Variants in AMPH observed in about 807,000 individuals in gnomAD.
AMPH encodes the protein amphiphysin (Stiff-Mann syndrome with breast cancer 128kD autoantigen).
AMPH carries 49 observed loss-of-function variants against 99.1 expected under a neutral mutation model. The observed-to-expected ratio is 0.49, with a 90% CI of 0.39 to 0.63. The LOEUF (loss-of-function observed/expected upper bound fraction) is 0.63, where lower values mean the gene tolerates loss of function less well. AMPH is among the 20% of genes least tolerant of loss of function. AMPH has a pLI of 0.00. For synonymous variants in AMPH, 314 were observed against 317.3 expected, an observed-to-expected ratio of 0.99 and a Z score of 0.11; for missense variants, 759 against 863.4, an observed-to-expected ratio of 0.88 and a Z score of 1.52.
rs148537468 is a variant in AMPH, at chr7:38,435,564, C to G, written c.1134+708G>C. Reference sequence around the variant, plus strand: ...TTGAGTTAACTTCCTTCTATTAGCACAGACAGTTGTAAACTAACTATATTT... The same window carrying G: ...TTGAGTTAACTTCCTTCTATTAGCAGAGACAGTTGTAAACTAACTATATTT... On this transcript the variant is annotated intron_variant, in intron 12 of 20. Transcript: ENST00000356264. Among the ~76,000 whole-genome samples the G allele has an allele frequency of 1.9e-3, 284 of 152,310 alleles. 1 individual carries two copies. Among genetic ancestry groups the G allele is most frequent in the African/African-American group, 6.7e-3 (278 of 41,572 alleles).
At chr7:38,397,775 C>G (rs1235573545) in intron 17 of AMPH, among the ~76,000 whole-genome samples, 1 of 152,042 alleles carries the variant, frequency 6.6e-6, no homozygotes, top group Non-Finnish European at 1.5e-5. Context: ...GGATTAATAA[C>G]CAGAATACAT....
chr7:38,391,692 A>G (rs1379580174), intron 19 of AMPH, 56 bp downstream of exon 19: 5 of 1,560,966 alleles, frequency 3.2e-6, no homozygotes, highest in Non-Finnish European at 3.5e-6. Context: ...CAAAGGCTTG[A>G]GCAAAAGGGC....
intron 3 of AMPH, among the ~76,000 whole-genome samples, chr7:38,497,189 A>G (rs1461354429): frequency 4.6e-5 from 7 of 152,132 alleles, no homozygotes; most frequent in Admixed American, 4.6e-4. Context: ...GCTTTTAGGG[A>G]TTTAGGGATT....
At chr7:38,450,975 C>T (rs905017658) in intron 11 of AMPH, among the ~76,000 whole-genome samples, 2 of 151,378 alleles carry the variant, frequency 1.3e-5, no homozygotes, top group African/African-American at 2.4e-5. Context: ...ACTGTAACCT[C>T]GACCTCCTGG....
At chr7:38,418,479 A>C (rs1231698383) in intron 16 of AMPH, among the ~76,000 whole-genome samples, 1 of 152,210 alleles carries the variant, frequency 6.6e-6, no homozygotes, top group Non-Finnish European at 1.5e-5. Context: ...CACCAAAAAA[A>C]TCAAAGAGTC....
chr7:38,620,336 A>ATGTGTGTGTG (rs3056281), intron 1 of AMPH, among the ~76,000 whole-genome samples: 122 of 145,728 alleles, frequency 8.4e-4, no homozygotes, highest in Middle Eastern at 3.5e-3. Context: ...AGATATATAT[A>ATGTGTGTGTG]TGTGTGTGTG....
chr7:38,410,449 G>A (rs866542531), intron 17 of AMPH, among the ~76,000 whole-genome samples: 1 of 152,202 alleles, frequency 6.6e-6, no homozygotes, highest in South Asian at 2.1e-4. Flanking sequence ...GCCAACCTCT[G>A]AGTTCACAGC....
intron 2 of AMPH, among the ~76,000 whole-genome samples, chr7:38,529,392 C>G (rs1790310125): frequency 6.6e-6 from 1 of 152,252 alleles, no homozygotes; most frequent in South Asian, 2.1e-4. Context: ...ATCAGCATCA[C>G]TGGCATCACT....
chr7:38,458,403 C>A (rs970453951), intron 11 of AMPH, among the ~76,000 whole-genome samples: 7 of 151,974 alleles, frequency 4.6e-5, no homozygotes, highest in African/African-American at 1.4e-4. Context: ...AAAACACCAA[C>A]AACAAAAAGA....
chr7:38,521,349 T>C (rs1007643354), intron 2 of AMPH, among the ~76,000 whole-genome samples: 8 of 152,190 alleles, frequency 5.3e-5, no homozygotes, highest in African/African-American at 7.2e-5. Context: ...TGGCAAAACC[T>C]GTCTCTACCA....
In AMPH at chr7:38,384,854, G is replaced by C; in HGVS notation, c.2052C>G (p.Gly684=). 1.9e-6 allele frequency: 3 copies of C among 1,614,020 alleles called. No homozygotes were observed. Among genetic ancestry groups the C allele is most frequent in the Non-Finnish European group, 2.5e-6 (3 of 1,179,922 alleles). The change falls in exon 21 of 21, where the codon GGC becomes GGG. Residue 684 remains glycine, a synonymous_variant. Transcript: ENST00000356264. ...LQYRDLATYK[G]LFPENFTRRL... ...GTCGGGTGAAGTTCTCTGGAAAGAG[G>C]CCTTTGTAGGTGGCAAGGTCTCTGT...
At chr7:38,424,656 TA>T (rs755240762) in intron 15 of AMPH, among the ~76,000 whole-genome samples, 66 of 151,920 alleles carry the variant, frequency 4.3e-4, no homozygotes, top group Non-Finnish European at 6.9e-4. Context: ...AAAAAAAAGA[TA>T]AAGCCATGAA....
At chr7:38,471,943 A>G (rs941209334) in intron 7 of AMPH, among the ~76,000 whole-genome samples, 1 of 152,166 alleles carries the variant, frequency 6.6e-6, no homozygotes, top group Admixed American at 6.5e-5. Context: ...TTATAAACAT[A>G]TATACACCTA....
At position 38,394,023 on chromosome 7, in the gene AMPH, G is replaced by T. The variant is rs201328417; in HGVS notation, c.1590C>A (p.Leu530=). Residue 530 remains leucine, a synonymous_variant, in exon 18 of 21, where the codon CTC becomes CTA. Coordinates refer to ENST00000356264, the MANE Select transcript of AMPH (RefSeq NM_001635.4). ...AESAQPEAEE[L]EATVPQEKVI... is the part of the protein sequence containing the mutation. Reference sequence around the variant, plus strand: ...CACTCACCTGAGGCACTGTTGCTTCGAGCTCCTCTGCTTCAGGTTGGGCAC... The same window carrying T: ...CACTCACCTGAGGCACTGTTGCTTCTAGCTCCTCTGCTTCAGGTTGGGCAC... 3 of 1,614,168 alleles carry T rather than the reference G, an allele frequency of 1.9e-6. No individual in the cohort carries two copies. The East Asian group carries it at 6.7e-5, about 36-fold the overall frequency.
chr7:38,462,685 A>G (rs1463656077), intron 10 of AMPH, among the ~76,000 whole-genome samples: 1 of 152,194 alleles, frequency 6.6e-6, no homozygotes, highest in Non-Finnish European at 1.5e-5. Context: ...TTGAAAGAAA[A>G]GAGTTTTGTA....
intron 20 of AMPH, among the ~76,000 whole-genome samples, chr7:38,389,306 T>A (rs1784426300): frequency 6.6e-6 from 1 of 152,246 alleles, no homozygotes. Context: ...AGAATCTCTT[T>A]AAGTTGAGGT....
intron 17 of AMPH, among the ~76,000 whole-genome samples, chr7:38,401,647 G>T (rs1056343099): frequency 2.6e-5 from 4 of 152,106 alleles, no homozygotes; most frequent in African/African-American, 9.7e-5. Context: ...GTACTGATAT[G>T]GATAAGTCAG....
intron 12 of AMPH, among the ~76,000 whole-genome samples, chr7:38,434,239 T>G (rs886719899): frequency 1.3e-5 from 2 of 152,174 alleles, no homozygotes; most frequent in African/African-American, 4.8e-5. Flanking sequence ...CTTTTGAAGA[T>G]TAAACCAAGG....
chr7:38,407,076 A>ATATATATATATATG (rs1478238678), intron 17 of AMPH, among the ~76,000 whole-genome samples: 1 of 19,732 alleles, frequency 5.1e-5, no homozygotes, highest in Non-Finnish European at 9.0e-5. Context: ...ATATATATAT[A>ATATATATATATATG]TGTGTGTGTG....
Sources: allele counts gnomAD v4.1 joint callset (sites outside exome capture counted in the v4.1 genomes callset), GRCh38; gene constraint gnomAD v4.1.1; transcripts MANE v1.5; gene names NCBI Gene and HGNC (gene_info 2026-07-23, HGNC 2026-07-21).